Variants in CTNNA2 observed in about 807,000 individuals in gnomAD.
The protein encoded by CTNNA2 is catenin alpha-2.
Under a neutral mutation model 101.0 loss-of-function variants are expected in CTNNA2, and 42 were observed. The observed-to-expected ratio is 0.42, with a 90% CI of 0.32 to 0.54. The LOEUF is 0.54. Ranked by LOEUF, CTNNA2 falls within the 20% of genes least tolerant of loss-of-function variation. The pLI is 0.14. For missense variants in CTNNA2, 871 were observed against 1,223.1 expected (o/e 0.71, Z 4.29); for synonymous variants, 450 against 456.4 (o/e 0.99, Z 0.18).
intron 2 of CTNNA2, among the ~76,000 whole-genome samples, chr2:79,286,212 T>G (rs1223407822): frequency 6.6e-6 from 1 of 152,196 alleles, no homozygotes; most frequent in Non-Finnish European, 1.5e-5. Context: ...TTATCCAATT[T>G]GCCAGTCTGT....
intron 17 of CTNNA2, among the ~76,000 whole-genome samples, chr2:80,611,302 G>C (rs1698449920): frequency 6.6e-6 from 1 of 150,992 alleles, no homozygotes; most frequent in Non-Finnish European, 1.5e-5. Context: ...CAGAAAGAAA[G>C]ATAAGGAGGG....
chr2:79,709,551 G>T (rs1194192699), intron 2 of CTNNA2, among the ~76,000 whole-genome samples: 1 of 152,026 alleles, frequency 6.6e-6, no homozygotes. Flanking sequence ...AGCCAATTTT[G>T]GCTGTTATTA....
Position 80,255,348 on chromosome 2 carries a change from C to T in CTNNA2, c.1057-137863C>T, listed in dbSNP as rs1672063421. The stretch of plus-strand genomic sequence containing the variant: ...GTGCCCCATGGTAATACAGTGATTC[C>T]ATACGGGCTCTGGTGCCTTTCTCAC... On this transcript the variant is annotated intron_variant, in intron 7 of 18. Transcript: ENST00000402739. Among the ~76,000 whole-genome samples, 3 of 152,016 alleles carry T rather than the reference C, an allele frequency of 2.0e-5. No homozygotes were observed. The South Asian group carries it at 6.2e-4, about 31-fold the overall frequency.
intron 9 of CTNNA2, among the ~76,000 whole-genome samples, chr2:80,524,424 A>T (rs1413412035): frequency 6.6e-6 from 1 of 152,142 alleles, no homozygotes; most frequent in Admixed American, 6.5e-5. Flanking sequence ...ACAGGTGTGC[A>T]AGTGCTCTTT....
chr2:79,882,457 G>A (rs1180407048), intron 6 of CTNNA2, among the ~76,000 whole-genome samples: 1 of 152,182 alleles, frequency 6.6e-6, no homozygotes, highest in Non-Finnish European at 1.5e-5. Context: ...AGGATGGATG[G>A]GTCAGGCTCA....
At chr2:80,313,685 G>A (rs1328421094) in intron 7 of CTNNA2, 2 of 1,512,186 alleles carry the variant, frequency 1.3e-6, no homozygotes, top group Non-Finnish European at 1.8e-6. Context: ...AGAAAGGAGT[G>A]TGAATTTAGT....
chr2:79,860,013 T>C (rs918460085), intron 4 of CTNNA2, among the ~76,000 whole-genome samples: 1 of 151,768 alleles, frequency 6.6e-6, no homozygotes, highest in Non-Finnish European at 1.5e-5. Flanking sequence ...GAATAGGGAG[T>C]GTAAGATCAC....
Position 79,891,660 on chromosome 2 carries a change from C to G in CTNNA2, c.852+17318C>G, listed in dbSNP as rs186094327. ...TTTTTATTTTCAGATTCTCTCAAGT[C>G]TACATGTCAGAATCACTTTCAAAAT... On this transcript the variant is annotated intron_variant, in intron 6 of 18. Coordinates refer to ENST00000402739, the MANE Select transcript of CTNNA2 (RefSeq NM_001282597.3). Among the ~76,000 whole-genome samples, 104 of 152,182 alleles carry G rather than the reference C, an allele frequency of 6.8e-4. 1 individual carries two copies. The highest frequency in any genetic ancestry group is 2.4e-3 in the African/African-American group (100 of 41,524).
At chr2:80,359,356 C>T (rs780420488) in intron 7 of CTNNA2, among the ~76,000 whole-genome samples, 4 of 152,116 alleles carry the variant, frequency 2.6e-5, no homozygotes, top group East Asian at 1.9e-4. Context: ...ACATTTATGC[C>T]GATGATACAC....
At chr2:79,815,998 A>ATT (rs148404305) in intron 3 of CTNNA2, among the ~76,000 whole-genome samples, 1 of 149,036 alleles carries the variant, frequency 6.7e-6, no homozygotes, top group Non-Finnish European at 1.5e-5. Flanking sequence ...ATTCCTAAGT[A>ATT]TTTTTTTTTT....
chr2:79,909,592 A>G lies in CTNNA2; in HGVS notation c.853-2A>G. The G allele has an allele frequency of 6.3e-7, 1 of 1,599,412 alleles. No homozygotes were observed. Among genetic ancestry groups the G allele is most frequent in the Non-Finnish European group, 8.6e-7 (1 of 1,168,920 alleles). On this transcript the variant is annotated splice_acceptor_variant, in intron 6 of 18. Transcript: ENST00000402739. LOFTEE classifies it high-confidence loss of function. ...TTGTGTGTGTGTGTGTGATACTTTC[A>G]GAATAAGATTATCCTGGACCCCATG...
At chr2:80,394,652 G>A (rs918259278) in intron 8 of CTNNA2, among the ~76,000 whole-genome samples, 3 of 152,136 alleles carry the variant, frequency 2.0e-5, no homozygotes, top group Non-Finnish European at 4.4e-5. Flanking sequence ...CGCTGAATTA[G>A]ATATCAGAGC....
intron 7 of CTNNA2, among the ~76,000 whole-genome samples, chr2:79,982,472 TACACAC>T (rs60316453): frequency 0.023 from 3,242 of 139,734 alleles, 114 homozygotes; most frequent in African/African-American, 0.078. Context: ...GACTCCTAAC[TACACAC>T]ACACACACAC....
At chr2:79,940,230 A>G (rs1262921394) in intron 7 of CTNNA2, among the ~76,000 whole-genome samples, 1 of 152,226 alleles carries the variant, frequency 6.6e-6, no homozygotes, top group African/African-American at 2.4e-5. Flanking sequence ...GCAGGAGCTT[A>G]TAAAATCCAA....
intron 2 of CTNNA2, among the ~76,000 whole-genome samples, chr2:79,688,282 A>G (rs1684069197): frequency 6.6e-6 from 1 of 152,124 alleles, no homozygotes; most frequent in Non-Finnish European, 1.5e-5. Flanking sequence ...TAGAACAAAC[A>G]GCAAAACACA....
chr2:80,564,507 GAGT>G (rs1023920766), intron 12 of CTNNA2, among the ~76,000 whole-genome samples: 1 of 111,198 alleles, frequency 9.0e-6, no homozygotes, highest in African/African-American at 4.0e-5. Flanking sequence ...GGAATTTAGA[GAGT>G]TTTTTTTTTT....
At chr2:80,586,473 A>G (rs1695980794) in intron 14 of CTNNA2, 1 of 152,202 alleles carries the variant, frequency 6.6e-6, no homozygotes, top group South Asian at 2.1e-4. Context: ...AGGTCTAAGT[A>G]AAGCATGATT....
chr2:79,422,869 A>T (rs1415567903), intron 4 of CTNNA2, among the ~76,000 whole-genome samples: 1 of 152,220 alleles, frequency 6.6e-6, no homozygotes, highest in Admixed American at 6.5e-5. Context: ...AAGACACAAG[A>T]CCAGCCAGAT....
chr2:79,754,968 C>G (rs753287323), intron 3 of CTNNA2, among the ~76,000 whole-genome samples: 13 of 152,024 alleles, frequency 8.6e-5, no homozygotes, highest in Non-Finnish European at 1.6e-4. Context: ...TGTATCTTCC[C>G]TCTACGGATC....
Sources: allele counts gnomAD v4.1 joint callset (sites outside exome capture counted in the v4.1 genomes callset), GRCh38; gene constraint gnomAD v4.1.1; transcripts MANE v1.5; gene names NCBI Gene and HGNC (gene_info 2026-07-23, HGNC 2026-07-21).